Variants in DNAJC6 observed in about 807,000 individuals in gnomAD.
The protein encoded by DNAJC6 is auxilin.
DNAJC6 carries 34 observed loss-of-function variants against 110.0 expected under a neutral mutation model. The observed-to-expected ratio is 0.31, with a 90% CI of 0.24 to 0.41. The LOEUF (loss-of-function observed/expected upper bound fraction) is 0.41, where lower values mean the gene tolerates loss of function less well. Among genes scored for constraint, DNAJC6 ranks in the 10% least tolerant of loss-of-function variants. The pLI is 1.00. For synonymous variants in DNAJC6, 406 were observed against 437.2 expected, an observed-to-expected ratio of 0.93 and a Z score of 0.89; for missense variants, 1,031 against 1,207.8, an observed-to-expected ratio of 0.85 and a Z score of 2.17.
In DNAJC6 at chr1:65,413,070, AGT is replaced by A. The variant is rs1646143358; in HGVS notation, c.*52_*53del. 1.3e-6 allele frequency: 2 copies of A among 1,552,922 alleles called. No homozygotes were observed. The highest frequency in any genetic ancestry group is 2.7e-5 in the African/African-American group (2 of 72,866). ...CTGCTGCAGACCTGTGCTAATGCTT[AGT>A]GTGTGTCACAATTCTGAGGTTTTCG... On this transcript the variant is annotated 3_prime_UTR_variant, in exon 19 of 19. Coordinates refer to ENST00000371069, the MANE Select transcript of DNAJC6 (RefSeq NM_001256864.2).
chr1:65,373,269 G>A (rs920519241), intron 4 of DNAJC6, among the ~76,000 whole-genome samples: 4 of 152,086 alleles, frequency 2.6e-5, no homozygotes, highest in African/African-American at 9.7e-5. Flanking sequence ...AATAAACATG[G>A]GAGTGCAGCT....
Position 65,364,632 on chromosome 1 carries a change from C to A in DNAJC6, c.194-3C>A, listed in dbSNP as rs1365847801. 6.6e-7 allele frequency: 1 copy of A among 1,509,632 alleles called. No individual in the cohort carries two copies. Among genetic ancestry groups the A allele is most frequent in the Non-Finnish European group, 8.7e-7 (1 of 1,144,710 alleles). The allele number at this position is 1,509,632 out of a possible 1,614,324, so 93.5% of individuals were successfully genotyped here. ...TTTGTTTGTTTTTTTTTTTTTTTGGCAGGTGCCTCATCTCCAGACATGGAG... is the reference window on the plus strand; with the variant it reads ...TTTGTTTGTTTTTTTTTTTTTTTGGAAGGTGCCTCATCTCCAGACATGGAG... On this transcript the variant is annotated splice_region_variant and splice_polypyrimidine_tract_variant and intron_variant, in intron 1 of 18. Transcript: ENST00000371069.
chr1:65,386,219 A>G (rs1156388748), intron 7 of DNAJC6, among the ~76,000 whole-genome samples: 1 of 152,214 alleles, frequency 6.6e-6, no homozygotes, highest in Non-Finnish European at 1.5e-5. Context: ...GGTGAGGGTA[A>G]TGGAAGAATC....
At chr1:65,350,702 A>G (rs1645482294) in intron 1 of DNAJC6, among the ~76,000 whole-genome samples, 1 of 152,228 alleles carries the variant, frequency 6.6e-6, no homozygotes, top group Admixed American at 6.5e-5. Flanking sequence ...ACTTAGTCCT[A>G]GGAATGCAGC....
chr1:65,296,586 C>CTTTTT lies in DNAJC6; in HGVS notation c.-131+31669_-131+31673dup, dbSNP rs11393548. Among the ~76,000 whole-genome samples the CTTTTT allele has an allele frequency of 4.9e-5, 6 of 123,508 alleles. 1 individual carries two copies. The highest frequency in any genetic ancestry group is 1.8e-4 in the Admixed American group (2 of 11,242). 81.0% of individuals were successfully genotyped at this position (123,508 alleles called of 152,430 possible). A position where few individuals can be genotyped will look rare whatever the true frequency, so the allele number is the denominator to read the frequency against. ...GTAGTTATTCATTCATTCGACACAT[C>CTTTTT]TTTTTTTTTTTTTTTTTTTGAGACG... On this transcript the variant is annotated intron_variant, in intron 1 of 19. Transcript: ENST00000263441.
At chr1:65,324,724 A>G (rs1344024573) in intron 1 of DNAJC6, among the ~76,000 whole-genome samples, 1 of 152,200 alleles carries the variant, frequency 6.6e-6, no homozygotes, top group East Asian at 1.9e-4. Context: ...TTGTCAATGA[A>G]GGGCTATTTC....
In DNAJC6 at chr1:65,385,790, C is replaced by T; in HGVS notation, c.879C>T (p.Ile293=). Residue 293 remains isoleucine, a synonymous_variant, in exon 7 of 19, where the codon ATC becomes ATT. Transcript: ENST00000371069. ...PHFKPLTIKS[I]TVSPIPFFNK... is the part of the protein sequence containing the mutation. ...TCAAGCCTCTCACAATTAAGTCGAT[C>T]ACTGTCAGTCCAATACCCTTTTTCA... is the stretch of plus-strand genomic sequence containing the variant. 1.2e-6 allele frequency: 2 copies of T among 1,614,104 alleles called. No individual in the cohort carries two copies. Among genetic ancestry groups the T allele is most frequent in the Non-Finnish European group, 1.7e-6 (2 of 1,179,976 alleles).
chr1:65,286,190 G>A (rs1323598974), intron 1 of DNAJC6, among the ~76,000 whole-genome samples: 1 of 152,088 alleles, frequency 6.6e-6, no homozygotes, highest in South Asian at 2.1e-4. Flanking sequence ...TGTTAATTAG[G>A]GTTCAGCATT....
At chr1:65,332,838 T>G (rs182500136) in intron 1 of DNAJC6, among the ~76,000 whole-genome samples, 1 of 152,364 alleles carries the variant, frequency 6.6e-6, no homozygotes, top group East Asian at 1.9e-4. Flanking sequence ...TAAGTGACTC[T>G]TTCCTCTTAA....
chr1:65,384,607 G>A (rs532938771), intron 6 of DNAJC6, among the ~76,000 whole-genome samples: 12 of 152,260 alleles, frequency 7.9e-5, no homozygotes, highest in African/African-American at 2.9e-4. Flanking sequence ...GGAAGAGAGC[G>A]TGTGCAGGGA....
At chr1:65,293,259 G>C (rs1051753530) in intron 1 of DNAJC6, among the ~76,000 whole-genome samples, 4 of 152,210 alleles carry the variant, frequency 2.6e-5, no homozygotes, top group South Asian at 4.1e-4. Context: ...GCTGCTTGCT[G>C]TCTTCTCATT....
At chr1:65,268,225 A>T (rs758239616) in intron 1 of DNAJC6, among the ~76,000 whole-genome samples, 7 of 152,220 alleles carry the variant, frequency 4.6e-5, no homozygotes, top group Non-Finnish European at 1.0e-4. Flanking sequence ...GTGCCTTAAG[A>T]ACTGCCTGCC....
In DNAJC6 at chr1:65,414,620, A is replaced by C. The variant is rs990535788; in HGVS notation, c.*1595A>C. ...TTTGTTTGTTTGTTTGTTAAAGTTCATTATTTATTTTACCTTTTACTGACA... is the reference window on the plus strand; with the variant it reads ...TTTGTTTGTTTGTTTGTTAAAGTTCCTTATTTATTTTACCTTTTACTGACA... On this transcript the variant is annotated 3_prime_UTR_variant, in exon 19 of 19. Coordinates refer to ENST00000371069, the MANE Select transcript of DNAJC6 (RefSeq NM_001256864.2). The C allele has an allele frequency of 1.0e-4, 16 of 152,548 alleles. No individual in the cohort carries two copies. Among genetic ancestry groups the C allele is most frequent in the Non-Finnish European group, 2.2e-4 (15 of 68,026 alleles). The allele number at this position is 152,548 out of a possible 1,614,324, so 9.4% of individuals were successfully genotyped here.
At chr1:65,374,202 A>C (rs1645737103) in intron 4 of DNAJC6, among the ~76,000 whole-genome samples, 2 of 152,110 alleles carry the variant, frequency 1.3e-5, no homozygotes, top group Admixed American at 6.5e-5. Context: ...AAAACTTTGA[A>C]GTCAGATGAT....
At chr1:65,306,076 ATT>A (rs35897124), upstream of DNAJC6, among the ~76,000 whole-genome samples, 26 of 135,190 alleles carry the variant, frequency 1.9e-4, no homozygotes, top group African/African-American at 1.9e-4. Context: ...GGCAACTTCA[ATT>A]TTTTTTTTTT....
chr1:65,364,392 A>G (rs1321895098), intron 1 of DNAJC6, among the ~76,000 whole-genome samples: 1 of 152,034 alleles, frequency 6.6e-6, no homozygotes, highest in Non-Finnish European at 1.5e-5. Context: ...TAGTAGCGGC[A>G]ATACTGGAGG....
At chr1:65,316,810 C>T (rs901347648) in intron 1 of DNAJC6, among the ~76,000 whole-genome samples, 1 of 152,108 alleles carries the variant, frequency 6.6e-6, no homozygotes, top group Non-Finnish European at 1.5e-5. Context: ...AATATATAGC[C>T]TAGATCCTTA....
intron 1 of DNAJC6, among the ~76,000 whole-genome samples, chr1:65,330,220 G>T (rs1315771630): frequency 6.6e-6 from 1 of 152,006 alleles, no homozygotes; most frequent in Non-Finnish European, 1.5e-5. Flanking sequence ...TCCTATTTTT[G>T]AAGCTGACCT....
intron 1 of DNAJC6, among the ~76,000 whole-genome samples, chr1:65,277,103 C>T (rs1653697922): frequency 6.6e-6 from 1 of 152,100 alleles, no homozygotes; most frequent in Non-Finnish European, 1.5e-5. Context: ...CTGCTACAAC[C>T]TACTCTATTA....
Sources: allele counts gnomAD v4.1 joint callset (sites outside exome capture counted in the v4.1 genomes callset), GRCh38; gene constraint gnomAD v4.1.1; transcripts MANE v1.5; gene names NCBI Gene and HGNC (gene_info 2026-07-23, HGNC 2026-07-21).